Variants in FREM2 observed in about 807,000 individuals in gnomAD.
The protein encoded by FREM2 is FRAS1-related extracellular matrix protein 2.
Under a neutral mutation model 219.9 loss-of-function variants are expected in FREM2, and 119 were observed. The observed-to-expected ratio is 0.54, with a 90% CI of 0.47 to 0.63. FREM2 has a LOEUF of 0.63. Among genes scored for constraint, FREM2 ranks in the 30% least tolerant of loss-of-function variants. FREM2 has a pLI of 0.00. For synonymous variants in FREM2, 1,562 were observed against 1,522.8 expected (o/e 1.03, Z -0.60); for missense variants, 4,030 against 3,993.6 (o/e 1.01, Z -0.25).
At chr13:38,721,219 G>T (rs1346855016) in intron 2 of FREM2, among the ~76,000 whole-genome samples, 1 of 151,878 alleles carries the variant, frequency 6.6e-6, no homozygotes. Flanking sequence ...GTTTGGTAGA[G>T]GCAGAAAAAA....
intron 3 of FREM2, among the ~76,000 whole-genome samples, chr13:38,764,894 C>T (rs190252610): frequency 5.8e-4 from 89 of 152,198 alleles, no homozygotes; most frequent in Admixed American, 1.9e-3. Flanking sequence ...CTTTTTTCAA[C>T]TCCAATTCAA....
chr13:38,696,564 C>G (rs898129675), intron 1 of FREM2, among the ~76,000 whole-genome samples: 1 of 152,122 alleles, frequency 6.6e-6, no homozygotes, highest in Non-Finnish European at 1.5e-5. Context: ...GTCTTAGAAA[C>G]TCACTGATTG....
chr13:38,806,742 G>A (rs1829856993), intron 6 of FREM2, among the ~76,000 whole-genome samples: 1 of 151,792 alleles, frequency 6.6e-6, no homozygotes, highest in Admixed American at 6.6e-5. Flanking sequence ...CTTAAAATAA[G>A]ACAACAATGA....
At chr13:38,833,513 A>G (rs1474227926) in intron 6 of FREM2, among the ~76,000 whole-genome samples, 4 of 152,140 alleles carry the variant, frequency 2.6e-5, no homozygotes, top group Non-Finnish European at 4.4e-5. Context: ...TCTCTTGACT[A>G]AGACAAGGAC....
intron 6 of FREM2, among the ~76,000 whole-genome samples, chr13:38,841,656 T>C (rs1012838459): frequency 5.9e-5 from 9 of 152,164 alleles, no homozygotes; most frequent in Non-Finnish European, 1.5e-5. Context: ...CCTTGCAAAG[T>C]CCTTTTACTG....
chr13:38,793,566 A>T (rs577215197), intron 6 of FREM2, among the ~76,000 whole-genome samples: 2 of 152,226 alleles, frequency 1.3e-5, no homozygotes, highest in Non-Finnish European at 2.9e-5. Context: ...CCCTGTGGCC[A>T]TATAAAAGAG....
chr13:38,801,747 T>C (rs778578070), intron 6 of FREM2, among the ~76,000 whole-genome samples: 1 of 152,148 alleles, frequency 6.6e-6, no homozygotes, highest in Admixed American at 6.5e-5. Flanking sequence ...CATGCCTGTC[T>C]GTAGGCCCCA....
intron 4 of FREM2, chr13:38,779,586 GT>G (rs1369449293): frequency 6.6e-6 from 1 of 152,036 alleles, no homozygotes; most frequent in Non-Finnish European, 1.5e-5. Context: ...AAAATAAAAA[GT>G]AAAAACCAGC....
intron 2 of FREM2, among the ~76,000 whole-genome samples, chr13:38,763,880 C>T (rs1593392434): frequency 6.6e-6 from 1 of 152,166 alleles, no homozygotes; most frequent in East Asian, 1.9e-4. Flanking sequence ...CTCTGTGAAC[C>T]GGAAAAAGTA....
chr13:38,758,560 G>A (rs1405123758), intron 2 of FREM2, among the ~76,000 whole-genome samples: 1 of 152,182 alleles, frequency 6.6e-6, no homozygotes, highest in Non-Finnish European at 1.5e-5. Flanking sequence ...CCTGGGGGCA[G>A]GGTAAGAGCC....
chr13:38,775,003 C>T (rs571324104), intron 4 of FREM2, among the ~76,000 whole-genome samples: 94 of 152,060 alleles, frequency 6.2e-4, no homozygotes, highest in Non-Finnish European at 2.4e-4. Flanking sequence ...GGGCCCATGG[C>T]AGGTTAATGC....
intron 6 of FREM2, among the ~76,000 whole-genome samples, chr13:38,839,921 C>T (rs1263139181): frequency 6.6e-6 from 1 of 152,134 alleles, no homozygotes; most frequent in Admixed American, 6.5e-5. Flanking sequence ...CTGAGCTAAA[C>T]CACTTGGCTC....
At chr13:38,712,650 T>TCA (rs58097045) in intron 2 of FREM2, among the ~76,000 whole-genome samples, 35 of 148,958 alleles carry the variant, frequency 2.3e-4, no homozygotes, top group African/African-American at 3.0e-4. Flanking sequence ...TTTCTCTCTC[T>TCA]CACACACACA....
intron 16 of FREM2, among the ~76,000 whole-genome samples, chr13:38,870,763 A>G (rs984978947): frequency 6.6e-6 from 1 of 152,174 alleles, no homozygotes; most frequent in African/African-American, 2.4e-5. Context: ...ATCAAATCAG[A>G]ATTAGTTGGG....
intron 2 of FREM2, among the ~76,000 whole-genome samples, chr13:38,760,145 T>C (rs975867827): frequency 1.3e-5 from 2 of 152,238 alleles, no homozygotes; most frequent in African/African-American, 4.8e-5. Context: ...TAAGTATCTG[T>C]TTCATTTATA....
In FREM2 at chr13:38,690,539, G is replaced by T; in HGVS notation, c.3195G>T (p.Gln1065His). 6.2e-7 allele frequency: 1 copy of T among 1,614,164 alleles called. No homozygotes were observed. The highest frequency in any genetic ancestry group is 2.2e-5 in the East Asian group (1 of 44,868). ...TGACCATCCTGCCTGTTGATAGCCA[G>T]GCCCCAGAAATCTTTGTAGGTGAAC... ...IWVTILPVDS[Q>H]APEIFVGEQL... is the part of the protein sequence containing the mutation. Residue 1065 changes from glutamine to histidine, a missense_variant, in exon 1 of 24, where the codon CAG (glutamine) becomes CAT (histidine). This residue lies in a region of FREM2 where 3,102 missense variants were observed against 2,950.7 expected (regional missense o/e 1.05). Coordinates refer to ENST00000280481, the MANE Select transcript of FREM2 (RefSeq NM_207361.6).
intron 6 of FREM2, among the ~76,000 whole-genome samples, chr13:38,834,228 C>T (rs1311130870): frequency 6.7e-6 from 1 of 150,338 alleles, no homozygotes; most frequent in East Asian, 2.0e-4. Context: ...CCCATGTGTT[C>T]TCATTGTTCA....
Position 38,687,820 on chromosome 13 carries a change from C to G in FREM2, c.476C>G (p.Ala159Gly), listed in dbSNP as rs1869552467. 1 of 1,544,504 alleles carries G rather than the reference C, an allele frequency of 6.5e-7. No individual in the cohort carries two copies. Among genetic ancestry groups the G allele is most frequent in the Non-Finnish European group, 8.8e-7 (1 of 1,140,572 alleles). ...DRVRLQLRYDAPGGAVVLPLV... is the reference protein window; with the variant it reads ...DRVRLQLRYDGPGGAVVLPLV... Reference sequence around the variant, plus strand: ...GTCCGGCTGCAGCTGCGCTATGACGCGCCCGGAGGGGCAGTAGTGCTACCA... The same window carrying G: ...GTCCGGCTGCAGCTGCGCTATGACGGGCCCGGAGGGGCAGTAGTGCTACCA... The change falls in exon 1 of 24, where the codon GCG (alanine) becomes GGG (glycine). Residue 159 changes from alanine (A) to glycine (G), a missense_variant. This residue lies in a region of FREM2 where 3,102 missense variants were observed against 2,950.7 expected (regional missense o/e 1.05). Transcript: ENST00000280481.
At chr13:38,756,868 A>G (rs1315292438) in intron 2 of FREM2, among the ~76,000 whole-genome samples, 1 of 152,082 alleles carries the variant, frequency 6.6e-6, no homozygotes, top group African/African-American at 2.4e-5. Context: ...AAAAATAGCA[A>G]AATCACCAAC....
Sources: allele counts gnomAD v4.1 joint callset (sites outside exome capture counted in the v4.1 genomes callset), GRCh38; gene constraint gnomAD v4.1.1; regional missense constraint gnomAD v4.1.1; transcripts MANE v1.5; gene names NCBI Gene and HGNC (gene_info 2026-07-23, HGNC 2026-07-21).